CDKL4: variants seen among roughly 807,000 people sequenced by gnomAD.
CDKL4 encodes the protein cyclin dependent kinase like 4.
Under a neutral mutation model 42.0 loss-of-function variants are expected in CDKL4, and 44 were observed. The observed-to-expected ratio is 1.05, with a 90% CI of 0.82 to 1.35. The LOEUF (loss-of-function observed/expected upper bound fraction) is 1.35, where lower values mean the gene tolerates loss of function less well. Among genes scored for constraint, CDKL4 ranks in the 40% most tolerant of loss-of-function variants. The pLI is 0.00. For missense variants in CDKL4, 393 were observed against 369.9 expected (o/e 1.06, Z -0.51); for synonymous variants, 120 against 121.6 (o/e 0.99, Z 0.09).
At chr2:39,239,393 A>C (rs1679537020) in intron 1 of CDKL4, among the ~76,000 whole-genome samples, 1 of 152,242 alleles carries the variant, frequency 6.6e-6, no homozygotes, top group African/African-American at 2.4e-5. Context: ...CTCCTCAAAA[A>C]ATTTCCCCAT....
At chr2:39,201,669 C>CA (rs1210061728) in intron 5 of CDKL4, among the ~76,000 whole-genome samples, 1 of 152,082 alleles carries the variant, frequency 6.6e-6, no homozygotes, top group African/African-American at 2.4e-5. Context: ...GCATTTGCAG[C>CA]AACCTGGATG....
intron 3 of CDKL4, among the ~76,000 whole-genome samples, chr2:39,217,222 C>T (rs1176568421): frequency 1.9e-4 from 29 of 152,130 alleles, no homozygotes; most frequent in Admixed American, 1.9e-3. Flanking sequence ...TGGGCCAGTG[C>T]AAAACCAAAT....
downstream of CDKL4, among the ~76,000 whole-genome samples, chr2:39,172,099 A>G (rs1384587294): frequency 6.6e-6 from 1 of 152,130 alleles, no homozygotes; most frequent in African/African-American, 2.4e-5. Context: ...TCACGAGGTC[A>G]GGGGTTCAAA....
chr2:39,196,180 G>A (rs1474710695), intron 5 of CDKL4, among the ~76,000 whole-genome samples: 2 of 152,130 alleles, frequency 1.3e-5, no homozygotes, highest in Non-Finnish European at 2.9e-5. Context: ...TAAAACTAGT[G>A]CGCATAACAA....
intron 3 of CDKL4, among the ~76,000 whole-genome samples, chr2:39,220,070 C>A (rs1224177029): frequency 6.6e-6 from 1 of 152,120 alleles, no homozygotes; most frequent in East Asian, 1.9e-4. Flanking sequence ...GCAGGGTGCT[C>A]AATGACAACA....
intron 3 of CDKL4, among the ~76,000 whole-genome samples, chr2:39,223,184 T>G (rs551021191): frequency 2.1e-4 from 32 of 152,282 alleles, no homozygotes; most frequent in Admixed American, 5.9e-4. Context: ...TATACCAAAA[T>G]GCCTGTAACC....
At chr2:39,236,050 T>C (rs780401585) in intron 1 of CDKL4, among the ~76,000 whole-genome samples, 10 of 148,940 alleles carry the variant, frequency 6.7e-5, no homozygotes, top group Non-Finnish European at 3.0e-5. Flanking sequence ...AAGCAAATTA[T>C]AATTTAAAGA....
At chr2:39,220,645 T>A (rs1312721761) in intron 3 of CDKL4, among the ~76,000 whole-genome samples, 1 of 152,002 alleles carries the variant, frequency 6.6e-6, no homozygotes, top group Non-Finnish European at 1.5e-5. Context: ...TGGAGTGAAG[T>A]GGCATGGTCT....
chr2:39,174,290 A>G (rs1306053330), downstream of CDKL4, among the ~76,000 whole-genome samples: 1 of 151,812 alleles, frequency 6.6e-6, no homozygotes, highest in African/African-American at 2.4e-5. Context: ...CTGTAGTCCC[A>G]GCTACAGGCT....
chr2:39,235,382 C>G (rs1226983642), intron 1 of CDKL4, among the ~76,000 whole-genome samples: 1 of 151,918 alleles, frequency 6.6e-6, no homozygotes, highest in African/African-American at 2.4e-5. Context: ...TAAATTCTGA[C>G]AAAGTAGAAA....
chr2:39,170,900 T>G (rs1049651761), downstream of CDKL4, among the ~76,000 whole-genome samples: 1 of 152,188 alleles, frequency 6.6e-6, no homozygotes. Flanking sequence ...ACTAAGAAAG[T>G]GCTAACTTTT....
At chr2:39,228,737 A>G (rs887096303) in intron 2 of CDKL4, among the ~76,000 whole-genome samples, 6 of 152,358 alleles carry the variant, frequency 3.9e-5, no homozygotes, top group Middle Eastern at 3.4e-3. Context: ...TGCGGAAAAT[A>G]TGGTTGTTAG....
At chr2:39,169,937 T>G in the CDKL4 span, among the ~76,000 whole-genome samples, 1 of 152,116 alleles carries the variant, frequency 6.6e-6, no homozygotes, top group East Asian at 1.9e-4. Flanking sequence ...GTGGCACAAT[T>G]ATGGCTCACT....
At position 39,185,502 on chromosome 2, in the gene CDKL4, C is replaced by T. The variant is rs867645445; in HGVS notation, c.736-855G>A. ...TATTTGAGACAGAGTCTCTGTCGCC[C>T]AGGCTGGAGTGCAGTGGCAGCACGA... On this transcript the variant is annotated intron_variant, in intron 7 of 9. Coordinates refer to ENST00000451199, the Ensembl canonical transcript of CDKL4. Among the ~76,000 whole-genome samples, 13 of 145,756 alleles carry T rather than the reference C, an allele frequency of 8.9e-5. No individual in the cohort carries two copies. In the South Asian group the frequency reaches 2.8e-3, roughly 31 times the overall value.
chr2:39,229,272 T>TG (rs35121800), intron 2 of CDKL4, 93 bp downstream of exon 2: 2 of 922,498 alleles, frequency 2.2e-6, no homozygotes, highest in East Asian at 5.4e-5. Flanking sequence ...TTAAGTCCAA[T>TG]GGGGGGAAAA....
Position 39,204,456 on chromosome 2 carries a change from A to G in CDKL4, c.454+71T>C, listed in dbSNP as rs1348474778. 77 of 880,910 alleles carry G rather than the reference A, an allele frequency of 8.7e-5. No homozygotes were observed. In the South Asian group the frequency reaches 1.0e-3, roughly 12 times the overall value. 54.6% of individuals were successfully genotyped at this position (880,910 alleles called of 1,614,324 possible). A position where few individuals can be genotyped will look rare whatever the true frequency, so the allele number is the denominator to read the frequency against. On this transcript the variant is annotated intron_variant, in intron 5 of 9. Coordinates refer to ENST00000451199, the Ensembl canonical transcript of CDKL4. ...ATATTTGGCATATGTCCAATATCCA[A>G]TGTAAGAATTTAAACTATGTCATTT...
chr2:39,207,007 A>G, intron 4 of CDKL4, among the ~76,000 whole-genome samples: 1 of 152,172 alleles, frequency 6.6e-6, no homozygotes. Flanking sequence ...AATTACTGTC[A>G]ATTGCTTCAT....
At chr2:39,190,326 A>G in exon 6 of CDKL4, 1 of 1,614,160 alleles carries the variant, frequency 6.2e-7, no homozygotes, top group African/African-American at 1.3e-5. Flanking sequence ...ATTATCAGAT[A>G]AAGTTGGTCC....
chr2:39,219,155 G>A (rs1210064736), intron 3 of CDKL4, among the ~76,000 whole-genome samples: 1 of 152,144 alleles, frequency 6.6e-6, no homozygotes, highest in African/African-American at 2.4e-5. Flanking sequence ...TTGTTTCTCT[G>A]GCACTCCCAG....
Sources: gnomAD v4.1 joint callset for allele counts (sites outside exome capture counted in the v4.1 genomes callset) on GRCh38, gnomAD v4.1.1 for gene constraint, MANE v1.5 for transcripts, NCBI Gene and HGNC (gene_info 2026-07-23, HGNC 2026-07-21) for gene names.